NUCKS1: variants seen among roughly 807,000 people sequenced by gnomAD.
NUCKS1 encodes the protein nuclear casein kinase and cyclin dependent kinase substrate 1.
NUCKS1 carries 2 observed loss-of-function variants against 33.0 expected under a neutral mutation model. That is an observed-to-expected ratio of 0.06 (90% CI 0.02 to 0.19). The LOEUF (loss-of-function observed/expected upper bound fraction) is 0.19. NUCKS1 is among the 10% of genes least tolerant of loss of function. NUCKS1 has a pLI of 1.00. For synonymous variants in NUCKS1, 106 were observed against 102.8 expected, an observed-to-expected ratio of 1.03 and a Z score of -0.19; for missense variants, 201 against 293.6, an observed-to-expected ratio of 0.68 and a Z score of 2.31.
In NUCKS1 at chr1:205,717,001, CAGGATGGGAAGTA is replaced by C. The variant is rs1671832977; in HGVS notation, c.*1266_*1278del. 6.6e-6 allele frequency: 1 copy of C among 152,120 alleles called. No homozygotes were observed. 9.4% of individuals were successfully genotyped at this position (152,120 alleles called of 1,614,324 possible). On this transcript the variant is annotated 3_prime_UTR_variant, in exon 7 of 7. Coordinates refer to ENST00000367142, the MANE Select transcript of NUCKS1 (RefSeq NM_022731.5). Reference sequence around the variant, plus strand: ...CATTTAACATATTCCTAGTCAAGGACAGGATGGGAAGTAAGTGAAGAATAGGGCCAGGAAAATA... The same window carrying C: ...CATTTAACATATTCCTAGTCAAGGACAGTGAAGAATAGGGCCAGGAAAATA...
chr1:205,728,972 T>C (rs1027418118), intron 2 of NUCKS1, among the ~76,000 whole-genome samples: 12 of 151,456 alleles, frequency 7.9e-5, no homozygotes, highest in Admixed American at 5.9e-4. Context: ...CTGGCTGTAG[T>C]GGATTTTTTT....
At chr1:205,746,445 T>TCACACA (rs769978235) in intron 1 of NUCKS1, among the ~76,000 whole-genome samples, 124 of 84,934 alleles carry the variant, frequency 1.5e-3, no homozygotes, top group African/African-American at 3.0e-3. Flanking sequence ...CTTCTCTCTC[T>TCACACA]CTCTCTCTCA....
chr1:205,720,432 C>G, intron 5 of NUCKS1, 69 bp downstream of exon 5: 1 of 1,533,668 alleles, frequency 6.5e-7, no homozygotes, highest in Non-Finnish European at 8.8e-7. Flanking sequence ...TAGAAAATGC[C>G]AAAGTAACCA....
At position 205,715,257 on chromosome 1, in the gene NUCKS1, C is replaced by T. The variant is rs1190757947; in HGVS notation, c.*3023G>A. ...AAAATGAGGATTGAACTGGGGCAAA[C>T]AGGTTATTGTGAAAACAGTCAATAT... is the stretch of plus-strand genomic sequence containing the variant. On this transcript the variant is annotated 3_prime_UTR_variant, in exon 7 of 7. Transcript: ENST00000367142. 3 of 152,300 alleles carry T rather than the reference C, an allele frequency of 2.0e-5. No individual in the cohort carries two copies. Among genetic ancestry groups the T allele is most frequent in the Non-Finnish European group, 2.9e-5 (2 of 68,010 alleles). 9.4% of individuals were successfully genotyped at this position (152,300 alleles called of 1,614,324 possible).
At chr1:205,721,031 G>GTTC (rs1213281880) in intron 4 of NUCKS1, among the ~76,000 whole-genome samples, 1 of 147,912 alleles carries the variant, frequency 6.8e-6, no homozygotes, top group Non-Finnish European at 1.5e-5. Context: ...ACACTGCCAT[G>GTTC]TTCTCGCTTA....
rs532979809 is a variant in NUCKS1 at position 205,745,427 on chromosome 1, T to C, written c.17+4530A>G. ...TCACCTGAGCCTGAAAGGTTGAGGA[T>C]GCAGTGAGCCTGTGATCGCACCAGT... On this transcript the variant is annotated intron_variant, in intron 1 of 6. Transcript: ENST00000367142. Among the ~76,000 whole-genome samples the C allele has an allele frequency of 1.7e-4, 26 of 152,084 alleles. No individual in the cohort carries two copies. The South Asian group carries it at 4.8e-3, about 28-fold the overall frequency.
intron 1 of NUCKS1, among the ~76,000 whole-genome samples, chr1:205,737,427 T>C (rs1295892297): frequency 6.6e-6 from 1 of 152,212 alleles, no homozygotes; most frequent in Non-Finnish European, 1.5e-5. Flanking sequence ...ATATCATTAA[T>C]TAGAAGATAT....
intron 1 of NUCKS1, 37 bp from the exon 2 acceptor site, chr1:205,729,658 C>T: frequency 2.0e-6 from 3 of 1,463,924 alleles, no homozygotes; most frequent in Non-Finnish European, 2.9e-6. Flanking sequence ...AATCATAAAA[C>T]TGTAGGATTT....
At position 205,749,980 on chromosome 1, in the gene NUCKS1, T is replaced by C. The variant is rs368273125; in HGVS notation, c.-7A>G. The C allele has an allele frequency of 6.3e-7, 1 of 1,596,998 alleles. No homozygotes were observed. Among genetic ancestry groups the C allele is most frequent in the African/African-American group, 1.4e-5 (1 of 72,844 alleles). Reference sequence around the variant, plus strand: ...ACCTGACAGGCCGCGACATGTTCGCTGTCGAAACAGGACCGAGTCGAGAAG... The same window carrying C: ...ACCTGACAGGCCGCGACATGTTCGCCGTCGAAACAGGACCGAGTCGAGAAG... On this transcript the variant is annotated 5_prime_UTR_variant, in exon 1 of 7. Coordinates refer to ENST00000367142, the MANE Select transcript of NUCKS1 (RefSeq NM_022731.5).
At chr1:205,747,893 GT>G (rs1350765766) in intron 1 of NUCKS1, among the ~76,000 whole-genome samples, 1 of 151,492 alleles carries the variant, frequency 6.6e-6, no homozygotes, top group South Asian at 2.1e-4. Flanking sequence ...TTTATTATTG[GT>G]CATGAATAAA....
intron 1 of NUCKS1, among the ~76,000 whole-genome samples, chr1:205,738,529 G>A (rs1378468700): frequency 6.6e-6 from 1 of 151,612 alleles, no homozygotes; most frequent in African/African-American, 2.4e-5. Context: ...GAGATTACAG[G>A]CAGGAATCAC....
intron 1 of NUCKS1, among the ~76,000 whole-genome samples, chr1:205,741,024 G>A (rs1473388268): frequency 6.6e-6 from 1 of 151,604 alleles, no homozygotes; most frequent in Non-Finnish European, 1.5e-5. Flanking sequence ...ACACACGGCC[G>A]GGCGCGGTGG....
intron 1 of NUCKS1, among the ~76,000 whole-genome samples, chr1:205,730,742 CA>C (rs1221783197): frequency 2.0e-5 from 3 of 152,156 alleles, no homozygotes; most frequent in Non-Finnish European, 4.4e-5. Flanking sequence ...CTTGGCCTCC[CA>C]AAGTGCTGGG....
rs976295410 is a variant in NUCKS1 at position 205,715,218 on chromosome 1, C to A, written c.*3062G>T. ...TAAGAAAATGCTATTTGAGCCAGTA[C>A]CAAATTAAGTATTAAAATGAGGATT... On this transcript the variant is annotated 3_prime_UTR_variant, in exon 7 of 7. Coordinates refer to ENST00000367142, the MANE Select transcript of NUCKS1 (RefSeq NM_022731.5). The A allele has an allele frequency of 6.6e-6, 1 of 152,096 alleles. No homozygotes were observed. The highest frequency in any genetic ancestry group is 1.5e-5 in the Non-Finnish European group (1 of 68,026). 9.4% of individuals were successfully genotyped at this position (152,096 alleles called of 1,614,324 possible).
rs1313437581 is a variant in NUCKS1 at position 205,713,049 on chromosome 1, GATGGTCA to G, written c.*5224_*5230del. The G allele has an allele frequency of 6.6e-6, 1 of 152,126 alleles. No individual in the cohort carries two copies. The highest frequency in any genetic ancestry group is 2.4e-5 in the African/African-American group (1 of 41,408). 9.4% of individuals were successfully genotyped at this position (152,126 alleles called of 1,614,324 possible). The stretch of plus-strand genomic sequence containing the variant: ...ATGTTTATCTTTTACCAACAACAGG[GATGGTCA>G]CTGTTAAAGTTTCTAAATAATTTAT... On this transcript the variant is annotated 3_prime_UTR_variant, in exon 7 of 7. Coordinates refer to ENST00000367142, the MANE Select transcript of NUCKS1 (RefSeq NM_022731.5).
chr1:205,750,169 T>A lies in NUCKS1; in HGVS notation c.-196A>T. ...CAGACGAGCCCCCCGCTCCCCCGTC[T>A]CTTCAAAATGGATGAATCAAACCAG... On this transcript the variant is annotated 5_prime_UTR_variant, in exon 1 of 7. Coordinates refer to ENST00000367142, the MANE Select transcript of NUCKS1 (RefSeq NM_022731.5). 1.7e-6 allele frequency: 1 copy of A among 596,942 alleles called. No individual in the cohort carries two copies. Among genetic ancestry groups the A allele is most frequent in the Non-Finnish European group, 3.0e-6 (1 of 333,696 alleles). The allele number at this position is 596,942 out of a possible 1,614,324, so 37.0% of individuals were successfully genotyped here.
chr1:205,738,953 C>T (rs1654098534), intron 1 of NUCKS1, among the ~76,000 whole-genome samples: 1 of 152,104 alleles, frequency 6.6e-6, no homozygotes, highest in Non-Finnish European at 1.5e-5. Context: ...TTTAAGACAC[C>T]TCCAAAAGCA....
chr1:205,733,101 C>T (rs1039339608), intron 1 of NUCKS1, among the ~76,000 whole-genome samples: 35 of 151,966 alleles, frequency 2.3e-4, no homozygotes, highest in African/African-American at 7.0e-4. Flanking sequence ...ATACAGGTTC[C>T]GAACTTGTAG....
chr1:205,749,931 C>T (rs377085301), intron 1 of NUCKS1, 26 bp downstream of exon 1: 1 of 1,607,910 alleles, frequency 6.2e-7, no homozygotes, highest in Non-Finnish European at 8.5e-7. Flanking sequence ...CTCCAACCCG[C>T]TCCAGGCCTC....
Sources: gnomAD v4.1 joint callset for allele counts (sites outside exome capture counted in the v4.1 genomes callset) on GRCh38, gnomAD v4.1.1 for gene constraint, MANE v1.5 for transcripts, NCBI Gene and HGNC (gene_info 2026-07-23, HGNC 2026-07-21) for gene names.